The following TIMM23B variants were observed in gnomAD, a reference collection of about 807,000 sequenced individuals.
TIMM23B encodes translocase of inner mitochondrial membrane 23 homolog B.
In TIMM23B, 27 loss-of-function variants were observed where a neutral mutation model predicts 27.3. The observed-to-expected ratio is 0.99, with a 90% CI of 0.73 to 1.36. TIMM23B has a LOEUF of 1.36. TIMM23B is among the 40% of genes most tolerant of loss of function. TIMM23B has a pLI of 0.00. For missense variants in TIMM23B, 205 were observed against 244.2 expected (o/e 0.84, Z 1.07); for synonymous variants, 73 against 92.4 (o/e 0.79, Z 1.21).
chr10:49,943,819 T>C (rs1839262966), intron 1 of TIMM23B, among the ~76,000 whole-genome samples: 1 of 127,490 alleles, frequency 7.8e-6, no homozygotes, highest in Non-Finnish European at 1.6e-5. Flanking sequence ...CCAACAAACA[T>C]AAATTAAAAC....
chr10:49,958,472 A>G lies in TIMM23B; in HGVS notation c.506A>G (p.Lys169Arg). 6.2e-7 allele frequency: 1 copy of G among 1,612,560 alleles called. No homozygotes were observed. Among genetic ancestry groups the G allele is most frequent in the Non-Finnish European group, 8.5e-7 (1 of 1,178,634 alleles). Residue 169 changes from lysine (K) to arginine (R), a missense_variant, in exon 6 of 7, where the codon AAA becomes AGA. Physicochemically the swap from Lys to Arg is conservative, Grantham distance 26. Coordinates refer to ENST00000651259, the MANE Select transcript of TIMM23B (RefSeq NM_001290117.2). ...GGAACCATGACAGGCATGTTGTATA[A>G]ATGTACAGGTGAGTACTGTTGAATG... ...AAGTMTGMLY[K>R]CTVSEMALDS...
At chr10:49,953,796 C>T (rs1393440512) in intron 4 of TIMM23B, among the ~76,000 whole-genome samples, 5 of 152,092 alleles carry the variant, frequency 3.3e-5, no homozygotes, top group Non-Finnish European at 7.4e-5. Flanking sequence ...TAAAAGTAGA[C>T]AAAATACATA....
intron 4 of TIMM23B, among the ~76,000 whole-genome samples, chr10:49,953,647 T>TGTTAA (rs1839614708): frequency 6.6e-6 from 1 of 152,216 alleles, no homozygotes; most frequent in African/African-American, 2.4e-5. Context: ...CGCCTAGCTC[T>TGTTAA]GTTAAGTTTT....
chr10:49,956,471 ATG>A (rs1817968268), intron 5 of TIMM23B, among the ~76,000 whole-genome samples: 1 of 60,508 alleles, frequency 1.7e-5, no homozygotes, highest in African/African-American at 5.0e-5. Flanking sequence ...GTGTGTGTGT[ATG>A]TGTGTCTTCA....
rs1369188714 is a variant in TIMM23B at position 49,973,390 on chromosome 10, C to T, written c.*326C>T. ...CAAATTTTCTTCTTAATAAAGAATC[C>T]AGTTGCTGGGCACAATGGTTCACAC... On this transcript the variant is annotated 3_prime_UTR_variant, in exon 7 of 7. Coordinates refer to ENST00000651259, the MANE Select transcript of TIMM23B (RefSeq NM_001290117.2). The T allele has an allele frequency of 3.1e-6, 1 of 322,702 alleles. No homozygotes were observed. Among genetic ancestry groups the T allele is most frequent in the Admixed American group, 4.6e-5 (1 of 21,616 alleles). 20.0% of individuals were successfully genotyped at this position (322,702 alleles called of 1,614,324 possible). A position where few individuals can be genotyped will look rare whatever the true frequency, so the allele number is the denominator to read the frequency against.
At chr10:49,966,780 G>A (rs185680733) in intron 6 of TIMM23B, among the ~76,000 whole-genome samples, 18 of 152,224 alleles carry the variant, frequency 1.2e-4, no homozygotes, top group Non-Finnish European at 1.9e-4. Context: ...AGGCAAGATC[G>A]CGCCACTGCA....
chr10:49,942,378 T>C, intron 1 of TIMM23B, 78 bp downstream of exon 1: 2 of 1,551,640 alleles, frequency 1.3e-6, no homozygotes, highest in South Asian at 1.2e-5. Context: ...CCATGTTTTA[T>C]GTTGTTGGTT....
intron 5 of TIMM23B, among the ~76,000 whole-genome samples, chr10:49,956,426 C>CGTGTGTGTGTGTGTGTGT: frequency 1.8e-5 from 2 of 113,966 alleles, no homozygotes; most frequent in East Asian, 2.3e-4. Flanking sequence ...ACTAGAAATA[C>CGTGTGTGTGTGTGTGTGT]GTGTGTGTGT....
intron 6 of TIMM23B, among the ~76,000 whole-genome samples, chr10:49,971,397 C>T (rs1176473074): frequency 2.7e-5 from 4 of 149,760 alleles, no homozygotes; most frequent in Admixed American, 6.7e-5. Flanking sequence ...CCTGGACTGA[C>T]ATCATCCTTG....
intron 1 of TIMM23B, 65 bp downstream of exon 1, chr10:49,942,365 G>T: frequency 6.4e-7 from 1 of 1,560,078 alleles, no homozygotes; most frequent in South Asian, 1.2e-5. Context: ...AAAGTTGCGC[G>T]TCCCATGTTT....
intron 2 of TIMM23B, among the ~76,000 whole-genome samples, chr10:49,946,576 C>T (rs1839362624): frequency 6.6e-6 from 1 of 151,388 alleles, no homozygotes. Context: ...AATGAAATTA[C>T]AAAAAACAGT....
At chr10:49,965,282 G>A (rs1363469526) in intron 6 of TIMM23B, among the ~76,000 whole-genome samples, 8 of 151,252 alleles carry the variant, frequency 5.3e-5, no homozygotes, top group East Asian at 2.0e-4. Flanking sequence ...TGTGGGTGGC[G>A]CACTCCAGCC....
intron 4 of TIMM23B, among the ~76,000 whole-genome samples, chr10:49,953,213 G>A (rs1839598510): frequency 6.6e-6 from 1 of 151,804 alleles, no homozygotes; most frequent in Admixed American, 6.6e-5. Context: ...GTGGAATCAT[G>A]AGTATGTATT....
At chr10:49,943,033 G>A (rs1324636628) in intron 1 of TIMM23B, among the ~76,000 whole-genome samples, 2 of 152,100 alleles carry the variant, frequency 1.3e-5, no homozygotes, top group African/African-American at 4.8e-5. Flanking sequence ...AAGCCTTTAC[G>A]AAAGTACTTT....
rs1554911951 is a variant in TIMM23B at position 49,942,219 on chromosome 10, G to A, written c.25G>A (p.Asp9Asn). 1 of 1,610,656 alleles carries A rather than the reference G, an allele frequency of 6.2e-7. No homozygotes were observed. The highest frequency in any genetic ancestry group is 2.2e-5 in the East Asian group (1 of 44,734). The part of the protein sequence containing the change: MEGGGGSG[D>N]KTTGVLAGFF... ...CATGGAAGGAGGCGGGGGAAGCGGC[G>A]ACAAAACCACAGGGGTATTGGCCGG... is the stretch of plus-strand genomic sequence containing the variant. Residue 9 changes from aspartate to asparagine, a missense_variant, in exon 1 of 7, where the codon GAC becomes AAC. Asp to Asn is a conservative substitution (Grantham distance 23). Transcript: ENST00000651259.
chr10:49,969,427 A>C (rs1840315357), intron 6 of TIMM23B, among the ~76,000 whole-genome samples: 1 of 134,036 alleles, frequency 7.5e-6, no homozygotes, highest in Non-Finnish European at 1.6e-5. Flanking sequence ...ACAGAGTGAG[A>C]CCCTGTGTCA....
intron 6 of TIMM23B, among the ~76,000 whole-genome samples, chr10:49,959,329 A>G (rs1839822365): frequency 6.6e-6 from 1 of 152,228 alleles, no homozygotes; most frequent in South Asian, 2.1e-4. Flanking sequence ...GACACACACA[A>G]GGTCGAAGCC....
rs1157029611 is a variant in TIMM23B at position 49,964,786 on chromosome 10, AAATGAAATGAAATGAAGAAAT to A, written c.514+6323_514+6343del. Among the ~76,000 whole-genome samples, 219 of 152,206 alleles carry A rather than the reference AAATGAAATGAAATGAAGAAAT, an allele frequency of 1.4e-3. 2 individuals are homozygous for A. The highest frequency in any genetic ancestry group is 5.1e-3 in the African/African-American group (210 of 41,510). ...ATAATGAATAATGAAATGCCGGGTG[AAATGAAATGAAATGAAGAAAT>A]AATGAAATGAAATGAATAATGAAAT... On this transcript the variant is annotated intron_variant, in intron 6 of 6. Transcript: ENST00000651259.
At chr10:49,944,200 T>C (rs1269088702) in intron 1 of TIMM23B, among the ~76,000 whole-genome samples, 1 of 152,200 alleles carries the variant, frequency 6.6e-6, no homozygotes, top group Non-Finnish European at 1.5e-5. Flanking sequence ...ACGTAGTTGC[T>C]ATGTAGACAG....
Sources: gnomAD v4.1 joint callset for allele counts (sites outside exome capture counted in the v4.1 genomes callset) on GRCh38, gnomAD v4.1.1 for gene constraint, MANE v1.5 for transcripts, NCBI Gene and HGNC (gene_info 2026-07-23, HGNC 2026-07-21) for gene names.